CNTNAP2: variants seen among roughly 807,000 people sequenced by gnomAD.
The protein encoded by CNTNAP2 is contactin associated protein 2.
Under a neutral mutation model 155.2 loss-of-function variants are expected in CNTNAP2, and 98 were observed. The observed-to-expected ratio is 0.63, with a 90% CI of 0.54 to 0.75. The LOEUF (loss-of-function observed/expected upper bound fraction) is 0.75. Ranked by LOEUF, CNTNAP2 falls within the 30% of genes least tolerant of loss-of-function variation. CNTNAP2 has a pLI of 0.00. For synonymous variants in CNTNAP2, 651 were observed against 631.2 expected (o/e 1.03, Z -0.47); for missense variants, 1,727 against 1,688.1 (o/e 1.02, Z -0.40).
chr7:147,943,717 A>G (rs1267496542), intron 14 of CNTNAP2, among the ~76,000 whole-genome samples: 1 of 140,646 alleles, frequency 7.1e-6, no homozygotes, highest in East Asian at 2.2e-4. Context: ...GAGCTGAGAT[A>G]ATGTCACTCA....
At chr7:146,163,527 CTA>C (rs1381461197) in intron 1 of CNTNAP2, among the ~76,000 whole-genome samples, 1 of 98,222 alleles carries the variant, frequency 1.0e-5, no homozygotes, top group African/African-American at 3.6e-5. Context: ...CTATATATAT[CTA>C]TATATATCTA....
At chr7:146,986,841 T>C (rs1201800256) in intron 3 of CNTNAP2, among the ~76,000 whole-genome samples, 1 of 152,180 alleles carries the variant, frequency 6.6e-6, no homozygotes, top group Non-Finnish European at 1.5e-5. Context: ...CTTAGCCCAC[T>C]CTTTGATAGG....
chr7:147,400,501 C>G (rs1410754903), intron 10 of CNTNAP2, among the ~76,000 whole-genome samples: 1 of 152,146 alleles, frequency 6.6e-6, no homozygotes, highest in Non-Finnish European at 1.5e-5. Context: ...AAGTGGTGAT[C>G]ATGCTTGGTT....
intron 10 of CNTNAP2, among the ~76,000 whole-genome samples, chr7:147,416,323 A>C (rs1191559116): frequency 1.3e-5 from 2 of 152,208 alleles, no homozygotes; most frequent in Non-Finnish European, 1.5e-5. Flanking sequence ...GACAAAGTGG[A>C]GAACACAATC....
At chr7:147,163,001 T>A (rs1584765009) in intron 8 of CNTNAP2, among the ~76,000 whole-genome samples, 2 of 152,208 alleles carry the variant, frequency 1.3e-5, no homozygotes, top group Non-Finnish European at 2.9e-5. Context: ...GTGGCGATGA[T>A]AAACATGCAG....
intron 1 of CNTNAP2, among the ~76,000 whole-genome samples, chr7:146,506,420 A>G (rs1306945917): frequency 2.6e-5 from 4 of 152,152 alleles, no homozygotes; most frequent in Non-Finnish European, 5.9e-5. Context: ...TTATTGACCT[A>G]TTCCATTAGT....
At chr7:148,354,148 T>C in intron 21 of CNTNAP2, among the ~76,000 whole-genome samples, 1 of 151,592 alleles carries the variant, frequency 6.6e-6, no homozygotes, top group Non-Finnish European at 1.5e-5. Context: ...TAGCAAGTCT[T>C]AGCAGGTGCT....
At chr7:147,266,043 C>CA (rs546777922) in intron 8 of CNTNAP2, among the ~76,000 whole-genome samples, 44 of 152,144 alleles carry the variant, frequency 2.9e-4, no homozygotes, top group Middle Eastern at 3.4e-3. Context: ...AAGAATCAAC[C>CA]AAAAAAATGC....
chr7:147,108,524 T>C (rs1330689308), intron 5 of CNTNAP2, among the ~76,000 whole-genome samples, 174 bp downstream of exon 5: 1 of 152,158 alleles, frequency 6.6e-6, no homozygotes, highest in African/African-American at 2.4e-5. Context: ...ATTCAAAAAA[T>C]ATTTATTAAA....
intron 1 of CNTNAP2, among the ~76,000 whole-genome samples, chr7:146,618,912 A>G (rs1176844916): frequency 2.6e-5 from 4 of 151,964 alleles, no homozygotes; most frequent in African/African-American, 9.7e-5. Flanking sequence ...CCTACTAAAG[A>G]TACAAAAATT....
At chr7:148,061,912 TAAAC>T (rs748143606) in intron 15 of CNTNAP2, among the ~76,000 whole-genome samples, 9,631 of 119,824 alleles carry the variant, frequency 0.08, 647 homozygotes, top group East Asian at 0.23. Context: ...GATAGATAGA[TAAAC>T]AGATATAGAT....
At chr7:148,206,054 C>G (rs988885763) in intron 18 of CNTNAP2, among the ~76,000 whole-genome samples, 6 of 150,906 alleles carry the variant, frequency 4.0e-5, no homozygotes, top group East Asian at 1.9e-4. Flanking sequence ...TCATATATAC[C>G]CTCAAAGTAG....
intron 13 of CNTNAP2, among the ~76,000 whole-genome samples, chr7:147,747,212 G>A (rs1413947919): frequency 3.3e-5 from 5 of 152,134 alleles, no homozygotes; most frequent in Non-Finnish European, 7.3e-5. Flanking sequence ...AGCACATCTA[G>A]GAGTCTTCCT....
chr7:147,864,742 T>C (rs1477785951), intron 13 of CNTNAP2, among the ~76,000 whole-genome samples: 1 of 152,160 alleles, frequency 6.6e-6, no homozygotes, highest in Non-Finnish European at 1.5e-5. Flanking sequence ...CTGTTATTGG[T>C]GTATAGGAAT....
At chr7:147,315,417 A>G (rs2116806541) in intron 9 of CNTNAP2, among the ~76,000 whole-genome samples, 1 of 149,500 alleles carries the variant, frequency 6.7e-6, no homozygotes, top group African/African-American at 2.4e-5. Context: ...CCCAAATCGT[A>G]GGCAACCACG....
chr7:147,289,314 A>G (rs910012432), intron 8 of CNTNAP2, among the ~76,000 whole-genome samples: 1 of 152,172 alleles, frequency 6.6e-6, no homozygotes, highest in Admixed American at 6.5e-5. Flanking sequence ...ATCAATAGTC[A>G]GATGAATTAG....
intron 15 of CNTNAP2, among the ~76,000 whole-genome samples, chr7:148,042,841 C>T (rs1802704314): frequency 6.6e-6 from 1 of 152,118 alleles, no homozygotes. Context: ...GCTTAAAACC[C>T]CACCTAAACA....
Position 148,259,179 on chromosome 7 carries a change from T to TAAAAAAAAAAAAAAAAA in CNTNAP2, c.3382-7840_3382-7824dup, listed in dbSNP as rs34229180. Among the ~76,000 whole-genome samples, 2 of 24,018 alleles carry TAAAAAAAAAAAAAAAAA rather than the reference T, an allele frequency of 8.3e-5. 1 individual carries two copies. The highest frequency in any genetic ancestry group is 1.3e-4 in the Non-Finnish European group (2 of 14,922). The allele number at this position is 24,018 out of a possible 152,430, so 15.8% of individuals were successfully genotyped here. A position where few individuals can be genotyped will look rare whatever the true frequency, so the allele number is the denominator to read the frequency against. ...GGGCAACAAAAGCAAAACTCCGTCT[T>TAAAAAAAAAAAAAAAAA]AAAAAAAAAAAAAAAAAAAAAAAAA... On this transcript the variant is annotated intron_variant, in intron 20 of 23. Transcript: ENST00000361727.
At chr7:146,508,523 A>G (rs984745977) in intron 1 of CNTNAP2, among the ~76,000 whole-genome samples, 2 of 152,174 alleles carry the variant, frequency 1.3e-5, no homozygotes, top group African/African-American at 4.8e-5. Flanking sequence ...TGAGGCTACA[A>G]TCTGTGCCAA....
Sources: gnomAD v4.1 joint callset for allele counts (sites outside exome capture counted in the v4.1 genomes callset) on GRCh38, gnomAD v4.1.1 for gene constraint, MANE v1.5 for transcripts, NCBI Gene and HGNC (gene_info 2026-07-23, HGNC 2026-07-21) for gene names.